The following OXTR variants were observed in gnomAD, a reference collection of about 807,000 sequenced individuals.
The protein encoded by OXTR is oxytocin receptor.
OXTR carries 19 observed loss-of-function variants against 23.9 expected under a neutral mutation model. That is an observed-to-expected ratio of 0.80 (90% CI 0.56 to 1.17). The LOEUF (loss-of-function observed/expected upper bound fraction) is 1.17. Ranked by LOEUF, OXTR falls within the 50% of genes most tolerant of loss-of-function variation. The probability of loss-of-function intolerance (pLI) is 0.00; values close to 1 mark genes in which losing one functional copy is unlikely to be tolerated. For missense variants in OXTR, 500 were observed against 550.7 expected, an observed-to-expected ratio of 0.91 and a Z score of 0.92; for synonymous variants, 278 against 250.5, an observed-to-expected ratio of 1.11 and a Z score of -1.04.
At chr3:8,742,192 G>A in the OXTR span, among the ~76,000 whole-genome samples, 3 of 152,058 alleles carry the variant, frequency 2.0e-5, no homozygotes, top group African/African-American at 7.3e-5. Flanking sequence ...CTCTCTCAAT[G>A]CTCAAATCTG....
Position 8,767,476 on chromosome 3 carries a change from C to T in OXTR, c.712G>A (p.Ala238Thr), listed in dbSNP as rs61740241. 0.027 allele frequency: 43,320 copies of T among 1,604,954 alleles called. 697 individuals carry two copies. Among genetic ancestry groups the T allele is most frequent in the Non-Finnish European group, 0.033 (38,541 of 1,175,730 alleles). The change falls in exon 3 of 4, where the codon GCG becomes ACG. Residue 238 changes from alanine to threonine, a missense_variant. Transcript: ENST00000316793. ...CCCTCTGGCGCCTCGGCCGCCGCCG[C>T]TGCAGCGGTCTTGAGCCGCAAGTTC... Reference protein sequence around the residue: ...WQNLRLKTAAAAAAEAPEGAA... With the variant: ...WQNLRLKTAATAAAEAPEGAA...
At chr3:8,762,352 C>CT (rs1244770347) in intron 3 of OXTR, among the ~76,000 whole-genome samples, 1 of 152,146 alleles carries the variant, frequency 6.6e-6, no homozygotes, top group Non-Finnish European at 1.5e-5. Flanking sequence ...TTTATCAAAC[C>CT]TTTGGGGGGA....
At chr3:8,744,720 G>C in the OXTR span, 1 of 152,218 alleles carries the variant, frequency 6.6e-6, no homozygotes, top group African/African-American at 2.4e-5. Context: ...CCAATCCACA[G>C]GTGCTCAGTA....
the OXTR span, among the ~76,000 whole-genome samples, chr3:8,742,241 C>A: frequency 6.6e-6 from 1 of 151,996 alleles, no homozygotes; most frequent in African/African-American, 2.4e-5. Flanking sequence ...CCCAGCCCAG[C>A]CCTCTGAGAG....
At chr3:8,755,356 G>A (rs237887) in intron 3 of OXTR, among the ~76,000 whole-genome samples, 94,727 of 152,148 alleles carry the variant, frequency 0.62, 30,003 homozygotes, top group African/African-American at 0.74. Flanking sequence ...AATGAGGTAG[G>A]AGGAAGCATC....
In OXTR at chr3:8,767,706, C is replaced by T; in HGVS notation, c.482G>A (p.Trp161Ter). 1 of 1,609,748 alleles carries T rather than the reference C, an allele frequency of 6.2e-7. No homozygotes were observed. Among genetic ancestry groups the T allele is most frequent in the Non-Finnish European group, 8.5e-7 (1 of 1,178,162 alleles). Residue 161 changes from tryptophan to a stop codon, truncating the protein, a stop_gained, in exon 3 of 4, where the codon TGG (tryptophan) becomes TAG (stop). Transcript: ENST00000316793. LOFTEE classifies it high-confidence loss of function. ...RTDRLAVLAT[W>*]LGCLVASAPQ... ...CGCGCTGGCCACCAGGCAGCCGAGC[C>T]ACGTGGCGAGCACTGCCAGGCGGTC...
At chr3:8,745,812 C>T (rs201267913), downstream of OXTR, 15 of 1,613,808 alleles carry the variant, frequency 9.3e-6, no homozygotes, top group African/African-American at 1.3e-5. The surrounding 1 kb of genome is among the most constrained non-coding windows in gnomAD (Gnocchi z 4.8). Context: ...CCACTCTTCG[C>T]GGCCCTGGGC....
At chr3:8,745,382 G>A (rs866616819), downstream of OXTR, 14 of 671,174 alleles carry the variant, frequency 2.1e-5, no homozygotes, top group African/African-American at 2.3e-4. The surrounding 1 kb of genome is among the most constrained non-coding windows in gnomAD (Gnocchi z 4.8). Context: ...TTAAAGCAAT[G>A]CAAGAATAGC....
chr3:8,756,652 CCT>C (rs1218176056), intron 3 of OXTR, among the ~76,000 whole-genome samples: 2 of 152,198 alleles, frequency 1.3e-5, no homozygotes, highest in Non-Finnish European at 2.9e-5. Context: ...TGTGGTGCCC[CCT>C]GAGTACCCAT....
At chr3:8,766,514 T>A (rs924017547) in intron 3 of OXTR, among the ~76,000 whole-genome samples, 1 of 151,690 alleles carries the variant, frequency 6.6e-6, no homozygotes, top group African/African-American at 2.4e-5. Context: ...CAAACTTGAA[T>A]GTCCCCCTCA....
rs888143658 is a variant in OXTR at position 8,753,042 on chromosome 3, A to G, written c.1105T>C (p.Ser369Pro). The G allele has an allele frequency of 5.6e-6, 9 of 1,614,106 alleles. No individual in the cohort carries two copies. Among genetic ancestry groups the G allele is most frequent in the Non-Finnish European group, 7.6e-6 (9 of 1,180,016 alleles). ...CTGCGATGGCTCAGGACAAAGGAGG[A>G]CGAGTTGCTCTTTTTGCTGGCACTC... ...ETSASKKSNSSSFVLSHRSSS... is the reference protein window; with the variant it reads ...ETSASKKSNSPSFVLSHRSSS... The change falls in exon 4 of 4, where the codon TCC becomes CCC. Residue 369 changes from serine (S) to proline (P), a missense_variant. Transcript: ENST00000316793.
In OXTR at chr3:8,753,122, T is replaced by C; in HGVS notation, c.1025A>G (p.Gln342Arg). Residue 342 changes from glutamine to arginine, a missense_variant, in exon 4 of 4, where the codon CAG becomes CGG. Physicochemically the swap from Gln to Arg is conservative, Grantham distance 43. Coordinates refer to ENST00000316793, the MANE Select transcript of OXTR (RefSeq NM_000916.4). Reference protein sequence around the residue: ...FTGHLFHELVQRFLCCSASYL... With the variant: ...FTGHLFHELVRRFLCCSASYL... Reference sequence around the variant, plus strand: ...GCTGGCGGAGCAGCACAGGAAGCGCTGCACGAGTTCGTGGAAGAGGTGGCC... The same window carrying C: ...GCTGGCGGAGCAGCACAGGAAGCGCCGCACGAGTTCGTGGAAGAGGTGGCC... 6 of 1,614,096 alleles carry C rather than the reference T, an allele frequency of 3.7e-6. No individual in the cohort carries two copies. The highest frequency in any genetic ancestry group is 5.1e-6 in the Non-Finnish European group (6 of 1,180,020).
intron 3 of OXTR, among the ~76,000 whole-genome samples, chr3:8,766,730 G>C: frequency 1.0e-5 from 1 of 98,348 alleles, no homozygotes; most frequent in East Asian, 2.1e-4. Flanking sequence ...TAGGTGCTTG[G>C]TTGGACAAAT....
chr3:8,767,733 G>A lies in OXTR; in HGVS notation c.455C>T (p.Thr152Ile). Residue 152 changes from threonine to isoleucine, a missense_variant, in exon 3 of 4, where the codon ACC becomes ATC. Coordinates refer to ENST00000316793, the MANE Select transcript of OXTR (RefSeq NM_000916.4). ...CQPLRSLRRR[T>I]DRLAVLATWL... is the part of the protein sequence containing the mutation. ...CGTGGCGAGCACTGCCAGGCGGTCG[G>A]TGCGGCGGCGCAGCGAGCGCAGCGG... 1 of 1,610,090 alleles carries A rather than the reference G, an allele frequency of 6.2e-7. No individual in the cohort carries two copies. The highest frequency in any genetic ancestry group is 8.5e-7 in the Non-Finnish European group (1 of 1,178,386).
chr3:8,753,546 C>G (rs1259107744), intron 3 of OXTR, among the ~76,000 whole-genome samples: 8 of 152,226 alleles, frequency 5.3e-5, no homozygotes, highest in African/African-American at 1.9e-4. Flanking sequence ...GCCACCTTTT[C>G]ATGCATCACT....
At chr3:8,764,478 T>C (rs1385518876) in intron 3 of OXTR, among the ~76,000 whole-genome samples, 1 of 152,248 alleles carries the variant, frequency 6.6e-6, no homozygotes, top group Non-Finnish European at 1.5e-5. Flanking sequence ...ACTTTTCCGA[T>C]AATAACCTCT....
Position 8,751,796 on chromosome 3 carries a change from G to C in OXTR, c.*1181C>G, listed in dbSNP as rs1708265123. 1 of 152,168 alleles carries C rather than the reference G, an allele frequency of 6.6e-6. No homozygotes were observed. Among genetic ancestry groups the C allele is most frequent in the African/African-American group, 2.4e-5 (1 of 41,430 alleles). 9.4% of individuals were successfully genotyped at this position (152,168 alleles called of 1,614,324 possible). A position where few individuals can be genotyped will look rare whatever the true frequency, so the allele number is the denominator to read the frequency against. On this transcript the variant is annotated 3_prime_UTR_variant, in exon 4 of 4. Coordinates refer to ENST00000316793, the MANE Select transcript of OXTR (RefSeq NM_000916.4). ...TTATCGTAAATTATGAAATCAGGAA[G>C]TGTGAATCCACCAACTTTGTTCTTT... is the stretch of plus-strand genomic sequence containing the variant.
At chr3:8,743,437 A>G in the OXTR span, among the ~76,000 whole-genome samples, 1 of 152,166 alleles carries the variant, frequency 6.6e-6, no homozygotes, top group Non-Finnish European at 1.5e-5. Context: ...AAGAAGAAGT[A>G]ACATCCTTCC....
chr3:8,758,371 CAT>C (rs113252431), intron 3 of OXTR, among the ~76,000 whole-genome samples: 60 of 152,272 alleles, frequency 3.9e-4, no homozygotes, highest in Middle Eastern at 3.4e-3. Context: ...GACTCAAAGA[CAT>C]GTGGCCAAGA....
Sources: allele counts gnomAD v4.1 joint callset (sites outside exome capture counted in the v4.1 genomes callset), GRCh38; gene constraint gnomAD v4.1.1; non-coding constraint Gnocchi (gnomAD v3.1); transcripts MANE v1.5; gene names NCBI Gene and HGNC (gene_info 2026-07-23, HGNC 2026-07-21).